The following ANKS1A variants were observed in gnomAD, a reference collection of about 807,000 sequenced individuals.
ANKS1A encodes the protein ankyrin repeat and SAM domain-containing protein 1A.
ANKS1A carries 55 observed loss-of-function variants against 120.3 expected under a neutral mutation model. The observed-to-expected ratio is 0.46, with a 90% CI of 0.37 to 0.57. The LOEUF is 0.57. Ranked by LOEUF, ANKS1A falls within the 20% of genes least tolerant of loss-of-function variation. The pLI is 0.00. For synonymous variants in ANKS1A, 590 were observed against 604.7 expected (o/e 0.98, Z 0.36); for missense variants, 1,123 against 1,480.3 (o/e 0.76, Z 3.96).
chr6:35,030,284 G>A (rs1774839855), intron 11 of ANKS1A, among the ~76,000 whole-genome samples: 1 of 152,222 alleles, frequency 6.6e-6, no homozygotes, highest in African/African-American at 2.4e-5. Context: ...AGCAACTTAC[G>A]AAAGGAGTCT....
At chr6:34,938,040 T>C (rs1769345426) in intron 1 of ANKS1A, among the ~76,000 whole-genome samples, 1 of 152,206 alleles carries the variant, frequency 6.6e-6, no homozygotes, top group African/African-American at 2.4e-5. Flanking sequence ...AGGGCACCTA[T>C]TGACCTGTTC....
chr6:34,905,426 C>CT (rs1767602680), intron 1 of ANKS1A, among the ~76,000 whole-genome samples: 1 of 152,232 alleles, frequency 6.6e-6, no homozygotes, highest in African/African-American at 2.4e-5. Flanking sequence ...GGTATTGCTA[C>CT]TGACAGTATT....
rs1310833088 is a variant in ANKS1A at position 35,087,031 on chromosome 6, A to G, written c.3383A>G (p.Lys1128Arg). The part of the protein sequence containing the change: ...SWVVDPKPDS[K>R]RSLSTN ...GTTGTGGACCCCAAACCAGACTCTA[A>G]GCGGAGCCTCAGCACCAAGTATGAG... The change falls in exon 23 of 24, where the codon AAG (lysine) becomes AGG (arginine). Residue 1128 changes from lysine (K) to arginine (R), a missense_variant. Transcript: ENST00000360359. 1 of 1,614,158 alleles carries G rather than the reference A, an allele frequency of 6.2e-7. No homozygotes were observed. The highest frequency in any genetic ancestry group is 1.1e-5 in the South Asian group (1 of 91,080).
At chr6:34,973,971 C>T (rs1405356567) in intron 3 of ANKS1A, among the ~76,000 whole-genome samples, 1 of 73,874 alleles carries the variant, frequency 1.4e-5, no homozygotes, top group African/African-American at 5.3e-5. Context: ...CCTTGCCTTC[C>T]CCTTCCCCTT....
At chr6:34,987,990 G>T (rs1236590371) in intron 8 of ANKS1A, among the ~76,000 whole-genome samples, 1 of 152,170 alleles carries the variant, frequency 6.6e-6, no homozygotes, top group Non-Finnish European at 1.5e-5. Context: ...GGCCCTGCAG[G>T]TACAATGGCA....
At chr6:34,959,341 G>C (rs1468802802) in intron 1 of ANKS1A, among the ~76,000 whole-genome samples, 2 of 152,198 alleles carry the variant, frequency 1.3e-5, no homozygotes, top group Admixed American at 6.5e-5. Flanking sequence ...TGTTGGTTCA[G>C]GGTTGGCAAG....
the ANKS1A span, among the ~76,000 whole-genome samples, chr6:35,097,372 G>T: frequency 6.6e-6 from 1 of 152,016 alleles, no homozygotes; most frequent in South Asian, 2.1e-4. Context: ...AACCGGGCAT[G>T]GTGGCAGGTG....
At chr6:35,016,579 A>G (rs537529869) in intron 10 of ANKS1A, among the ~76,000 whole-genome samples, 1 of 152,210 alleles carries the variant, frequency 6.6e-6, no homozygotes, top group African/African-American at 2.4e-5. Context: ...AGTGTACAGT[A>G]GTAGCTGGCC....
rs759564564 is a variant in ANKS1A, at chr6:35,003,893, C to T, written c.1423+9471C>T. 3.3e-5 allele frequency among the ~76,000 whole-genome samples: 5 copies of T among 152,180 alleles called. 1 individual carries two copies. The highest frequency in any genetic ancestry group is 7.3e-5 in the Non-Finnish European group (5 of 68,032). ...CTCAGAAAAGGAAAGAGAAGCAAAACTAAAGGCAGGTAGCCTGGCGCCTAG... is the reference window on the plus strand; with the variant it reads ...CTCAGAAAAGGAAAGAGAAGCAAAATTAAAGGCAGGTAGCCTGGCGCCTAG... On this transcript the variant is annotated intron_variant, in intron 10 of 23. Transcript: ENST00000360359.
At chr6:35,005,729 G>GA (rs1361700742) in intron 10 of ANKS1A, 2 of 450,690 alleles carry the variant, frequency 4.4e-6, no homozygotes, top group African/African-American at 4.0e-5. Flanking sequence ...CAAGAAAGAG[G>GA]AAAAAACCGC....
chr6:35,001,864 A>G (rs1581626622), intron 10 of ANKS1A, among the ~76,000 whole-genome samples: 1 of 152,202 alleles, frequency 6.6e-6, no homozygotes, highest in Admixed American at 6.5e-5. Flanking sequence ...TTTAACCCAG[A>G]CTGTAAGGCC....
At chr6:34,981,308 G>A (rs1310633499) in intron 3 of ANKS1A, among the ~76,000 whole-genome samples, 1 of 152,222 alleles carries the variant, frequency 6.6e-6, no homozygotes, top group African/African-American at 2.4e-5. Flanking sequence ...CCTACAAATT[G>A]TAAAACCATT....
intron 7 of ANKS1A, 105 bp downstream of exon 7, chr6:34,983,530 A>G (rs1772027691): frequency 1.0e-6 from 1 of 960,114 alleles, no homozygotes; most frequent in South Asian, 1.7e-5. Context: ...ATTTTGGGGG[A>G]TTGTGAGTAC....
At chr6:35,039,379 TAG>T (rs1162104942) in intron 11 of ANKS1A, among the ~76,000 whole-genome samples, 1 of 152,060 alleles carries the variant, frequency 6.6e-6, no homozygotes, top group Admixed American at 6.6e-5. Context: ...GTATTTTTAG[TAG>T]AGATGTGGTT....
At position 34,950,818 on chromosome 6, in the gene ANKS1A, C is replaced by G. The variant is rs531682636; in HGVS notation, c.198-16421C>G. Among the ~76,000 whole-genome samples, 16 of 152,136 alleles carry G rather than the reference C, an allele frequency of 1.1e-4. No individual in the cohort carries two copies. The South Asian group carries it at 3.1e-3, about 30-fold the overall frequency. On this transcript the variant is annotated intron_variant, in intron 1 of 23. Coordinates refer to ENST00000360359, the MANE Select transcript of ANKS1A (RefSeq NM_015245.3). The stretch of plus-strand genomic sequence containing the variant: ...GTGGGTGAGGCTGGTTGTGGGGACT[C>G]AAACTTACTTAGCAGGATTCTTGCT...
At chr6:35,005,946 T>G (rs990767775) in intron 10 of ANKS1A, 6 of 276,042 alleles carry the variant, frequency 2.2e-5, no homozygotes, top group Admixed American at 5.1e-5. Context: ...CCCAGCACTT[T>G]GGGAGGCCGA....
At chr6:35,019,260 A>G (rs752039530) in intron 11 of ANKS1A, among the ~76,000 whole-genome samples, 15 of 152,180 alleles carry the variant, frequency 9.9e-5, no homozygotes, top group Non-Finnish European at 1.9e-4. Flanking sequence ...GTCTCTGAGG[A>G]ATAATTTCAA....
intron 1 of ANKS1A, among the ~76,000 whole-genome samples, chr6:34,930,456 C>T (rs1223598503): frequency 2.0e-5 from 3 of 152,172 alleles, no homozygotes; most frequent in African/African-American, 7.2e-5. Context: ...GGCCCTGTTG[C>T]ACATTCCCTG....
chr6:35,070,853 A>G, intron 13 of ANKS1A: 1 of 602,088 alleles, frequency 1.7e-6, no homozygotes, highest in Non-Finnish European at 3.1e-6. Flanking sequence ...TGTGCGCGCC[A>G]AAGATTTATT....
Sources: allele counts gnomAD v4.1 joint callset (sites outside exome capture counted in the v4.1 genomes callset), GRCh38; gene constraint gnomAD v4.1.1; transcripts MANE v1.5; gene names NCBI Gene and HGNC (gene_info 2026-07-23, HGNC 2026-07-21).